C19orf47: variants seen among roughly 807,000 people sequenced by gnomAD.
C19orf47 encodes the protein uncharacterized protein C19orf47.
Under a neutral mutation model 32.3 loss-of-function variants are expected in C19orf47, and 18 were observed. The ratio of observed to expected loss-of-function variants is 0.56; its 90% CI spans 0.39 to 0.83. C19orf47 has a LOEUF of 0.83. Among genes scored for constraint, C19orf47 ranks in the 40% least tolerant of loss-of-function variants. C19orf47 has a pLI of 0.00. For missense variants in C19orf47, 484 were observed against 531.6 expected (o/e 0.91, Z 0.88); for synonymous variants, 202 against 211.1 (o/e 0.96, Z 0.37).
At chr19:40,345,317 G>A (rs2078250820) in intron 1 of C19orf47, among the ~76,000 whole-genome samples, 1 of 152,096 alleles carries the variant, frequency 6.6e-6, no homozygotes, top group South Asian at 2.1e-4. Flanking sequence ...TAGAAGACCT[G>A]TATCCAAATC....
chr19:40,328,101 TGAA>T (rs1236430051), intron 6 of C19orf47, among the ~76,000 whole-genome samples: 1 of 152,022 alleles, frequency 6.6e-6, no homozygotes, highest in Non-Finnish European at 1.5e-5. Flanking sequence ...GGGGGCTCGG[TGAA>T]GACCTGTTCA....
the C19orf47 span, among the ~76,000 whole-genome samples, chr19:40,296,272 C>CTGTT: frequency 0.22 from 32,952 of 151,454 alleles, 4,365 homozygotes; most frequent in African/African-American, 0.37. Flanking sequence ...TAACACAATG[C>CTGTT]TGTTTGTTTG....
intron 7 of C19orf47, among the ~76,000 whole-genome samples, chr19:40,325,489 A>G (rs944636372): frequency 2.0e-5 from 3 of 151,964 alleles, no homozygotes; most frequent in Non-Finnish European, 2.9e-5. Flanking sequence ...TTAGGTGGGC[A>G]TGGTGGCATG....
chr19:40,339,980 CAAA>C (rs548548957), intron 2 of C19orf47, among the ~76,000 whole-genome samples: 2 of 68,698 alleles, frequency 2.9e-5, no homozygotes. Flanking sequence ...CATCTCAAAA[CAAA>C]AAAAAAAAAA....
chr19:40,309,606 AG>A, the C19orf47 span, among the ~76,000 whole-genome samples: 5 of 152,178 alleles, frequency 3.3e-5, no homozygotes, highest in South Asian at 2.1e-4. Context: ...ATCATAGGAA[AG>A]TTGTCCCTTG....
chr19:40,341,656 A>G, intron 2 of C19orf47, 183 bp downstream of exon 2: 1 of 788,904 alleles, frequency 1.3e-6, no homozygotes, highest in Non-Finnish European at 2.0e-6. Context: ...CAGGAGAGAG[A>G]TCCAGTGATG....
intron 6 of C19orf47, among the ~76,000 whole-genome samples, chr19:40,326,706 C>G (rs2077838557): frequency 6.6e-6 from 1 of 152,140 alleles, no homozygotes; most frequent in Non-Finnish European, 1.5e-5. Flanking sequence ...TGGCAGGCCT[C>G]CCAGGCTTTC....
chr19:40,347,573 T>C (rs945679880), intron 1 of C19orf47, among the ~76,000 whole-genome samples: 2 of 151,934 alleles, frequency 1.3e-5, no homozygotes, highest in Non-Finnish European at 2.9e-5. Flanking sequence ...CAAATTTGCC[T>C]TCTCAAATTA....
intron 6 of C19orf47, among the ~76,000 whole-genome samples, chr19:40,327,517 A>C (rs557817399): frequency 1.3e-5 from 2 of 152,172 alleles, no homozygotes; most frequent in African/African-American, 4.8e-5. Flanking sequence ...GGCACTTCCA[A>C]ACCTGCAGGA....
chr19:40,302,428 AT>A, the C19orf47 span, among the ~76,000 whole-genome samples: 1 of 151,932 alleles, frequency 6.6e-6, no homozygotes, highest in African/African-American at 2.4e-5. Flanking sequence ...AACATGTCTA[AT>A]TTTTTTGTAT....
chr19:40,319,857 A>G lies in C19orf47; in HGVS notation c.*2025T>C, dbSNP rs376690831. 2 of 153,872 alleles carry G rather than the reference A, an allele frequency of 1.3e-5. No individual in the cohort carries two copies. The highest frequency in any genetic ancestry group is 2.9e-5 in the Non-Finnish European group (2 of 68,242). 9.5% of individuals were successfully genotyped at this position (153,872 alleles called of 1,614,324 possible). On this transcript the variant is annotated 3_prime_UTR_variant, in exon 9 of 9. Coordinates refer to ENST00000683109, the MANE Select transcript of C19orf47 (RefSeq NM_001256441.2). ...AGCCAAGGCCCTTGGCTTTGATTCC[A>G]GCTGTACCCTGCGCACTGTCAGCAG...
At chr19:40,308,465 C>A in the C19orf47 span, among the ~76,000 whole-genome samples, 1 of 120,002 alleles carries the variant, frequency 8.3e-6, no homozygotes, top group Non-Finnish European at 1.7e-5. Context: ...AGAAAGTCAA[C>A]TTTTTTTTTT....
chr19:40,297,010 A>G, the C19orf47 span, among the ~76,000 whole-genome samples: 3 of 152,202 alleles, frequency 2.0e-5, no homozygotes, highest in African/African-American at 7.2e-5. Flanking sequence ...CTCATTAAAC[A>G]TCATTATGCA....
the C19orf47 span, among the ~76,000 whole-genome samples, chr19:40,313,385 C>T: frequency 6.6e-6 from 1 of 152,106 alleles, no homozygotes; most frequent in Non-Finnish European, 1.5e-5. Flanking sequence ...AGTGCAGTGT[C>T]GTGATCACAG....
At position 40,348,384 on chromosome 19, in the gene C19orf47, G is replaced by A. The variant is rs924375010; in HGVS notation, c.-94C>T. 2 of 1,450,400 alleles carry A rather than the reference G, an allele frequency of 1.4e-6. No individual in the cohort carries two copies. Among genetic ancestry groups the A allele is most frequent in the Non-Finnish European group, 1.8e-6 (2 of 1,103,314 alleles). The allele number at this position is 1,450,400 out of a possible 1,614,324, so 89.8% of individuals were successfully genotyped here. A position where few individuals can be genotyped will look rare whatever the true frequency, so the allele number is the denominator to read the frequency against. On this transcript the variant is annotated 5_prime_UTR_variant, in exon 1 of 9. Transcript: ENST00000683109. ...GCCCTCCCTCCCGGCGGCGCCAACT[G>A]TCAGACACTCCTCCCCCGGCCCGGG...
At chr19:40,300,282 C>T in the C19orf47 span, among the ~76,000 whole-genome samples, 1 of 151,688 alleles carries the variant, frequency 6.6e-6, no homozygotes, top group African/African-American at 2.4e-5. Flanking sequence ...CTAGCCAACA[C>T]AATGAAACCC....
the C19orf47 span, among the ~76,000 whole-genome samples, chr19:40,311,303 C>T: frequency 2.6e-5 from 4 of 151,712 alleles, no homozygotes; most frequent in African/African-American, 7.3e-5. Context: ...CGCTTGAACC[C>T]GGGAGGCACA....
chr19:40,305,795 A>G, the C19orf47 span, among the ~76,000 whole-genome samples: 1 of 152,218 alleles, frequency 6.6e-6, no homozygotes, highest in Non-Finnish European at 1.5e-5. Context: ...ATTTTGCATT[A>G]GATAAAAGTA....
At chr19:40,324,959 CA>C (rs1010489988) in intron 7 of C19orf47, among the ~76,000 whole-genome samples, 234 of 131,390 alleles carry the variant, frequency 1.8e-3, no homozygotes, top group Non-Finnish European at 1.6e-3. Context: ...GACTCTGTCT[CA>C]AAAAAAAAAA....
Sources: allele counts gnomAD v4.1 joint callset (sites outside exome capture counted in the v4.1 genomes callset), GRCh38; gene constraint gnomAD v4.1.1; transcripts MANE v1.5; gene names NCBI Gene and HGNC (gene_info 2026-07-23, HGNC 2026-07-21).